TEFM: variants seen among roughly 807,000 people sequenced by gnomAD.
TEFM encodes the protein transcription elongation factor, mitochondrial, also known as transcription elongation factor of mitochondria.
In TEFM, 14 loss-of-function variants were observed where a neutral mutation model predicts 23.0. That is an observed-to-expected ratio of 0.61 (90% CI 0.40 to 0.95). The LOEUF (loss-of-function observed/expected upper bound fraction) is 0.95. TEFM is among the 40% of genes least tolerant of loss of function. The probability of loss-of-function intolerance (pLI) is 0.00; values close to 1 mark genes in which losing one functional copy is unlikely to be tolerated. For synonymous variants in TEFM, 155 were observed against 158.3 expected (o/e 0.98, Z 0.16); for missense variants, 386 against 425.5 (o/e 0.91, Z 0.82).
rs111699946 is a variant in TEFM at position 30,906,124 on chromosome 17, C to T, written c.31+44G>A. On this transcript the variant is annotated intron_variant, in intron 1 of 3. Transcript: ENST00000581216. ...TTCCATTAGCCTCTAGGGTCAGAGGCTAATGACAGACGGGAAATCACCCCA... is the reference window on the plus strand; with the variant it reads ...TTCCATTAGCCTCTAGGGTCAGAGGTTAATGACAGACGGGAAATCACCCCA... 1.1e-3 allele frequency: 1,578 copies of T among 1,467,276 alleles called. 25 individuals are homozygous for T. In the African/African-American group the frequency reaches 0.02, roughly 19 times the overall value. The allele number at this position is 1,467,276 out of a possible 1,614,324, so 90.9% of individuals were successfully genotyped here.
chr17:30,899,582 G>C lies in TEFM; in HGVS notation c.670C>G (p.Pro224Ala), dbSNP rs1207469107. The C allele has an allele frequency of 1.9e-6, 3 of 1,554,550 alleles. No individual in the cohort carries two copies. The Admixed American group carries it at 6.1e-5, about 31-fold the overall frequency. ...EEISSIISKM[P>A]KADFYVLEKT... ...TCCAGAACATAGAAATCTGCTTTAG[G>C]CATCTTTGAAATGATCGAGGAAATC... The change falls in exon 4 of 4, where the codon CCT becomes GCT. Residue 224 changes from proline to alanine, a missense_variant. By Grantham distance (27) the Pro-to-Ala change is conservative (BLOSUM62 -1). Transcript: ENST00000581216.
chr17:30,899,598 C>A lies in TEFM; in HGVS notation c.654G>T (p.Ser218=). The A allele has an allele frequency of 2.0e-6, 3 of 1,500,632 alleles. No homozygotes were observed. The highest frequency in any genetic ancestry group is 1.8e-6 in the Non-Finnish European group (2 of 1,121,652). 93.0% of individuals were successfully genotyped at this position (1,500,632 alleles called of 1,614,324 possible). A position where few individuals can be genotyped will look rare whatever the true frequency, so the allele number is the denominator to read the frequency against. ...CTGCTTTAGGCATCTTTGAAATGAT[C>A]GAGGAAATCTTTTTAAAAAAAGACA... ...SSSVYLEEIS[S]IISKMPKADF... is the part of the protein sequence containing the mutation. Residue 218 remains serine (S), a synonymous_variant, in exon 4 of 4, where the codon TCG becomes TCT. Coordinates refer to ENST00000581216, the MANE Select transcript of TEFM (RefSeq NM_024683.4).
Position 30,904,380 on chromosome 17 carries a change from G to C in TEFM, c.181C>G (p.Leu61Val). ...TGTTCTGAAGAGAAGAGCTTGTCAAGTGCATTTTCGGGCTCCTTTGCATTT... is the reference window on the plus strand; with the variant it reads ...TGTTCTGAAGAGAAGAGCTTGTCAACTGCATTTTCGGGCTCCTTTGCATTT... The part of the protein sequence containing the change: ...DENAKEPENA[L>V]DKLFSSEQQA... The change falls in exon 2 of 4, where the codon CTT becomes GTT. Residue 61 changes from leucine to valine, a missense_variant. Transcript: ENST00000581216. 6.2e-7 allele frequency: 1 copy of C among 1,614,192 alleles called. No homozygotes were observed. Among genetic ancestry groups the C allele is most frequent in the Non-Finnish European group, 8.5e-7 (1 of 1,180,044 alleles).
At position 30,899,113 on chromosome 17, in the gene TEFM, C is replaced by T; in HGVS notation, c.*56G>A. 7.3e-7 allele frequency: 1 copy of T among 1,376,850 alleles called. No individual in the cohort carries two copies. Among genetic ancestry groups the T allele is most frequent in the Non-Finnish European group, 9.8e-7 (1 of 1,021,666 alleles). The allele number at this position is 1,376,850 out of a possible 1,614,324, so 85.3% of individuals were successfully genotyped here. A position where few individuals can be genotyped will look rare whatever the true frequency, so the allele number is the denominator to read the frequency against. On this transcript the variant is annotated 3_prime_UTR_variant, in exon 4 of 4. Transcript: ENST00000581216. The stretch of plus-strand genomic sequence containing the variant: ...TTTCCAATAACATGGATGTTCACAA[C>T]AGTTGGTGTTACGTTAGAGCTAATA...
At chr17:30,900,351 C>T (rs1427298171) in intron 3 of TEFM, 62 bp downstream of exon 3, 5 of 1,508,888 alleles carry the variant, frequency 3.3e-6, no homozygotes, top group Non-Finnish European at 4.6e-6. Flanking sequence ...CTTTTGGGAC[C>T]AGAAGATTAA....
chr17:30,903,517 C>CTTT (rs397935118), intron 2 of TEFM, among the ~76,000 whole-genome samples: 2,335 of 129,872 alleles, frequency 0.018, 88 homozygotes, highest in African/African-American at 0.061. Flanking sequence ...GAGCCAGCCG[C>CTTT]TTTTTTTTTT....
intron 1 of TEFM, among the ~76,000 whole-genome samples, chr17:30,904,854 A>G (rs1910132597): frequency 6.6e-6 from 1 of 151,740 alleles, no homozygotes; most frequent in African/African-American, 2.4e-5. Context: ...AATTTTTTGT[A>G]TATTTAGTAG....
At position 30,904,506 on chromosome 17, in the gene TEFM, G is replaced by A; in HGVS notation, c.55C>T (p.Pro19Ser). 1 of 1,607,454 alleles carries A rather than the reference G, an allele frequency of 6.2e-7. No homozygotes were observed. The highest frequency in any genetic ancestry group is 8.5e-7 in the Non-Finnish European group (1 of 1,176,440). The change falls in exon 2 of 4, where the codon CCG becomes TCG. Residue 19 changes from proline to serine, a missense_variant. Coordinates refer to ENST00000581216, the MANE Select transcript of TEFM (RefSeq NM_024683.4). Reference protein sequence around the residue: ...AGERWRCFLTPSRSSLYWALH... With the variant: ...AGERWRCFLTSSRSSLYWALH... ...GCCCAGTACAGGGATGACCTCGACG[G>A]GGTCAGAAAGCATCTCCACCTCTCT...
chr17:30,904,528 C>A lies in TEFM; in HGVS notation c.33G>T (p.Glu11Asp). 1 of 1,587,114 alleles carries A rather than the reference C, an allele frequency of 6.3e-7. No individual in the cohort carries two copies. The highest frequency in any genetic ancestry group is 1.8e-5 in the Admixed American group (1 of 54,072). Reference protein sequence around the residue: MSGSVLFTAGERWRCFLTPSR... With the variant: MSGSVLFTAGDRWRCFLTPSR... ...ACGGGGTCAGAAAGCATCTCCACCT[C>A]TCTAAAAGGAAAATTTAGCAAAATA... Residue 11 changes from glutamate (E) to aspartate (D), a missense_variant and splice_region_variant, in exon 2 of 4, where the codon GAG becomes GAT. Transcript: ENST00000581216.
chr17:30,900,864 C>T (rs994614501), intron 2 of TEFM, among the ~76,000 whole-genome samples: 2 of 151,954 alleles, frequency 1.3e-5, no homozygotes, highest in Non-Finnish European at 2.9e-5. Context: ...CCTTGACCTC[C>T]CAAAGAGCTA....
chr17:30,899,651 C>A, intron 3 of TEFM, 45 bp from the exon 4 acceptor site: 1 of 1,358,926 alleles, frequency 7.4e-7, no homozygotes, highest in Non-Finnish European at 9.8e-7. Flanking sequence ...TAATTCATTA[C>A]ATTTTATGTT....
In TEFM at chr17:30,905,448, A is replaced by G. The variant is rs540546426; in HGVS notation, c.31+720T>C. ...GGCAGGAGAATCGCTTGAGCCCGGAAGGCGGAGGTTGCGGTGAGCCGAGAT... is the reference window on the plus strand; with the variant it reads ...GGCAGGAGAATCGCTTGAGCCCGGAGGGCGGAGGTTGCGGTGAGCCGAGAT... On this transcript the variant is annotated intron_variant, in intron 1 of 3. Coordinates refer to ENST00000581216, the MANE Select transcript of TEFM (RefSeq NM_024683.4). 2.3e-4 allele frequency among the ~76,000 whole-genome samples: 35 copies of G among 150,950 alleles called. 1 individual carries two copies. Among genetic ancestry groups the G allele is most frequent in the Admixed American group, 1.3e-3 (19 of 15,038 alleles).
intron 2 of TEFM, 101 bp from the exon 3 acceptor site, chr17:30,900,663 G>A (rs780013629): frequency 3.8e-5 from 40 of 1,039,694 alleles, no homozygotes; most frequent in South Asian, 1.3e-4. Context: ...GTGCAGTGGC[G>A]CGATCTCAAC....
At chr17:30,905,391 A>T (rs1910145035) in intron 1 of TEFM, among the ~76,000 whole-genome samples, 1 of 152,008 alleles carries the variant, frequency 6.6e-6, no homozygotes, top group Non-Finnish European at 1.5e-5. Context: ...GTGGTGGCAC[A>T]TGCCTGTAAT....
In TEFM at chr17:30,899,376, G is replaced by T. The variant is rs772443418; in HGVS notation, c.876C>A (p.Ser292=). Residue 292 remains serine, a synonymous_variant, in exon 4 of 4, where the codon TCC becomes TCA. Transcript: ENST00000581216. ...GKHFELMIGD[S]RTSGKELVKQ... ...TCACTAGCTCTTTTCCACTAGTCCG[G>T]GAGTCACCAATCATCAGTTCAAAAT... 2 of 1,614,092 alleles carry T rather than the reference G, an allele frequency of 1.2e-6. No individual in the cohort carries two copies. Among genetic ancestry groups the T allele is most frequent in the East Asian group, 2.2e-5 (1 of 44,884 alleles).
chr17:30,904,477 T>C lies in TEFM; in HGVS notation c.84A>G (p.Leu28=). The C allele has an allele frequency of 1.9e-6, 3 of 1,614,178 alleles. No homozygotes were observed. Among genetic ancestry groups the C allele is most frequent in the Non-Finnish European group, 2.5e-6 (3 of 1,180,028 alleles). Reference sequence around the variant, plus strand: ...ATTTTTTCCGACAGCAGAAATTATGTAAGGCCCAGTACAGGGATGACCTCG... The same window carrying C: ...ATTTTTTCCGACAGCAGAAATTATGCAAGGCCCAGTACAGGGATGACCTCG... ...TPSRSSLYWA[L]HNFCCRKKST... The change falls in exon 2 of 4, where the codon TTA becomes TTG. Residue 28 remains leucine, a synonymous_variant. Transcript: ENST00000581216.
At chr17:30,904,898 T>C (rs2142477548) in intron 1 of TEFM, among the ~76,000 whole-genome samples, 1 of 152,158 alleles carries the variant, frequency 6.6e-6, no homozygotes, top group East Asian at 2.0e-4. Flanking sequence ...CAGGATGGTC[T>C]CCATCTCCTG....
chr17:30,906,049 G>A, intron 1 of TEFM, 119 bp downstream of exon 1: 1 of 1,464,290 alleles, frequency 6.8e-7, no homozygotes. Flanking sequence ...AGAGGCTAAT[G>A]ACAGACGGGA....
chr17:30,901,606 T>C (rs1255162585), intron 2 of TEFM, among the ~76,000 whole-genome samples: 1 of 152,154 alleles, frequency 6.6e-6, no homozygotes, highest in East Asian at 1.9e-4. Context: ...CATCTCACAC[T>C]CTGGCAGTAG....
Sources: allele counts gnomAD v4.1 joint callset (sites outside exome capture counted in the v4.1 genomes callset), GRCh38; gene constraint gnomAD v4.1.1; transcripts MANE v1.5; gene names NCBI Gene and HGNC (gene_info 2026-07-23, HGNC 2026-07-21).